CFAP57: variants seen among roughly 807,000 people sequenced by gnomAD.
CFAP57 encodes the protein cilia- and flagella-associated protein 57.
CFAP57 carries 116 observed loss-of-function variants against 146.8 expected under a neutral mutation model. The ratio of observed to expected loss-of-function variants is 0.79; its 90% CI spans 0.68 to 0.92. The LOEUF (loss-of-function observed/expected upper bound fraction) is 0.92. Among genes scored for constraint, CFAP57 ranks in the 40% least tolerant of loss-of-function variants. The probability of loss-of-function intolerance (pLI) is 0.00; values close to 1 mark genes in which losing one functional copy is unlikely to be tolerated. For synonymous variants in CFAP57, 518 were observed against 552.8 expected (o/e 0.94, Z 0.88); for missense variants, 1,377 against 1,527.2 (o/e 0.90, Z 1.64).
intron 2 of CFAP57, among the ~76,000 whole-genome samples, chr1:43,179,026 G>A (rs683113): frequency 0.51 from 76,875 of 151,930 alleles, 21,119 homozygotes; most frequent in African/African-American, 0.73. Context: ...TGAGCAAACT[G>A]TCGCAAGGAC....
At chr1:43,234,092 T>C (rs1403406619) in intron 19 of CFAP57, among the ~76,000 whole-genome samples, 187 bp from the exon 20 acceptor site, 2 of 152,128 alleles carry the variant, frequency 1.3e-5, no homozygotes, top group Admixed American at 6.5e-5. Context: ...ACAAGACTTT[T>C]CGTGCCTCCA....
intron 15 of CFAP57, among the ~76,000 whole-genome samples, chr1:43,222,594 G>A (rs1645088987): frequency 6.6e-6 from 1 of 152,218 alleles, no homozygotes; most frequent in South Asian, 2.1e-4. Flanking sequence ...TTGAAGTGGT[G>A]GAGCATGAGG....
At chr1:43,223,319 G>C (rs145589123) in intron 16 of CFAP57, among the ~76,000 whole-genome samples, 12 of 152,226 alleles carry the variant, frequency 7.9e-5, no homozygotes, top group African/African-American at 2.2e-4. Context: ...ATAACCCTCC[G>C]ATGGAAATGG....
intron 21 of CFAP57, among the ~76,000 whole-genome samples, chr1:43,242,901 G>A (rs2764417): frequency 6.6e-6 from 1 of 151,918 alleles, no homozygotes; most frequent in East Asian, 1.9e-4. Context: ...GCCAATAATT[G>A]TGATATAATA....
chr1:43,174,421 C>T (rs1473447229), intron 2 of CFAP57, among the ~76,000 whole-genome samples: 5 of 152,218 alleles, frequency 3.3e-5, no homozygotes, highest in Non-Finnish European at 5.9e-5. Context: ...GAGACTTCTA[C>T]ATAGACTATC....
rs1285186851 is a variant in CFAP57 at position 43,238,900 on chromosome 1, G to T, written c.3405+4262G>T. Among the ~76,000 whole-genome samples the T allele has an allele frequency of 6.6e-6, 1 of 152,084 alleles. No individual in the cohort carries two copies. Among genetic ancestry groups the T allele is most frequent in the Non-Finnish European group, 1.5e-5 (1 of 68,038 alleles). ...AGTTTCCTCACAAGGTTGGTGTAAG[G>T]ATGAACTGAGGGACTGTATGCATGC... On this transcript the variant is annotated intron_variant, in intron 21 of 22. Coordinates refer to ENST00000372492, the MANE Select transcript of CFAP57 (RefSeq NM_001378189.1). The surrounding 1 kb of genome is among the most constrained non-coding windows in gnomAD (Gnocchi z 4.3).
chr1:43,210,645 G>A (rs1644562895), intron 11 of CFAP57: 1 of 163,406 alleles, frequency 6.1e-6, no homozygotes, highest in Non-Finnish European at 1.3e-5. Flanking sequence ...AGACAGAGTG[G>A]TGGTTGGCAG....
At chr1:43,242,453 TTGGATGGATGGA>T (rs56071451) in intron 21 of CFAP57, among the ~76,000 whole-genome samples, 59 of 151,590 alleles carry the variant, frequency 3.9e-4, no homozygotes, top group South Asian at 1.0e-3. Context: ...GAATGGTTGG[TTGGATGGATGGA>T]TGGATGGATG....
At chr1:43,198,368 G>A in intron 7 of CFAP57, 113 bp from the exon 8 acceptor site, 1 of 1,215,238 alleles carries the variant, frequency 8.2e-7, no homozygotes, top group East Asian at 2.5e-5. Context: ...ACCAACAATT[G>A]CAAACAGTAG....
chr1:43,196,738 A>G (rs1460675711), intron 6 of CFAP57, among the ~76,000 whole-genome samples: 1 of 152,210 alleles, frequency 6.6e-6, no homozygotes, highest in Non-Finnish European at 1.5e-5. Context: ...TTTCAATTTA[A>G]AATCATCCAT....
At position 43,254,012 on chromosome 1, in the gene CFAP57, G is replaced by A. The variant is rs761031992; in HGVS notation, c.3574G>A (p.Ala1192Thr). Residue 1192 changes from alanine to threonine, a missense_variant, in exon 23 of 23, where the codon GCA (alanine) becomes ACA (threonine). Physicochemically the swap from Ala to Thr is moderately conservative, Grantham distance 58 (BLOSUM62 0). Coordinates refer to ENST00000372492, the MANE Select transcript of CFAP57 (RefSeq NM_001378189.1). ...SRDMLSTAPT[A>T]RLNEQEETGR... The stretch of plus-strand genomic sequence containing the variant: ...GGACATGCTCAGCACAGCTCCCACC[G>A]CAAGGTTGAATGAGCAAGAAGAAAC... 2.9e-5 allele frequency: 45 copies of A among 1,550,458 alleles called. No individual in the cohort carries two copies. The highest frequency in any genetic ancestry group is 2.7e-4 in the African/African-American group (20 of 73,016).
intron 13 of CFAP57, 76 bp downstream of exon 13, chr1:43,219,613 C>T (rs931749413): frequency 8.8e-5 from 130 of 1,475,704 alleles, no homozygotes; most frequent in Admixed American, 3.9e-5. Context: ...GCATATACTG[C>T]CCAAGCTATG....
chr1:43,174,319 T>A (rs751772252), intron 2 of CFAP57, among the ~76,000 whole-genome samples: 2 of 152,250 alleles, frequency 1.3e-5, no homozygotes, highest in Non-Finnish European at 2.9e-5. Flanking sequence ...ATAAGCTGTA[T>A]TAAATACAGT....
intron 2 of CFAP57, among the ~76,000 whole-genome samples, chr1:43,180,836 G>A (rs1645375133): frequency 6.6e-6 from 1 of 152,018 alleles, no homozygotes; most frequent in African/African-American, 2.4e-5. Context: ...GACCTCTATG[G>A]TCTGACCCTA....
chr1:43,183,910 T>C, intron 4 of CFAP57, 33 bp downstream of exon 4: 1 of 1,612,136 alleles, frequency 6.2e-7, no homozygotes, highest in Non-Finnish European at 8.5e-7. Context: ...TGCTCCCACA[T>C]TCATTGTACT....
intron 2 of CFAP57, among the ~76,000 whole-genome samples, chr1:43,176,075 A>C (rs2124217583): frequency 6.6e-6 from 1 of 152,074 alleles, no homozygotes; most frequent in East Asian, 1.9e-4. Flanking sequence ...ATGTGGGTGG[A>C]TCCTTGCAGC....
intron 11 of CFAP57, among the ~76,000 whole-genome samples, chr1:43,214,848 C>A (rs1313870499): frequency 6.6e-6 from 1 of 152,070 alleles, no homozygotes; most frequent in Non-Finnish European, 1.5e-5. Flanking sequence ...CATCATGGTC[C>A]TAATTTTGCA....
chr1:43,203,563 C>T (rs958489227), intron 9 of CFAP57, among the ~76,000 whole-genome samples: 6 of 152,144 alleles, frequency 3.9e-5, no homozygotes, highest in African/African-American at 1.2e-4. Flanking sequence ...TGGGTTCAAA[C>T]GATTCTCCTG....
Position 43,222,204 on chromosome 1 carries a change from G to A in CFAP57, c.2441G>A (p.Arg814Gln), listed in dbSNP as rs556205421. The A allele has an allele frequency of 1.1e-4, 172 of 1,540,750 alleles. No homozygotes were observed. Among genetic ancestry groups the A allele is most frequent in the Admixed American group, 1.4e-4 (7 of 50,242 alleles). Residue 814 changes from arginine to glutamine, a missense_variant, in exon 15 of 23, where the codon CGG becomes CAG. Transcript: ENST00000372492. The part of the protein sequence containing the change: ...RMQEEYEKQL[R>Q]DNDETKSQAL... ...CAGGAAGAGTATGAAAAACAGCTCC[G>A]GGATAACGATGAGACCAAGAGCCAG...
Sources: allele counts gnomAD v4.1 joint callset (sites outside exome capture counted in the v4.1 genomes callset), GRCh38; gene constraint gnomAD v4.1.1; non-coding constraint Gnocchi (gnomAD v3.1); transcripts MANE v1.5; gene names NCBI Gene and HGNC (gene_info 2026-07-23, HGNC 2026-07-21).